CLSTN2: variants seen among roughly 807,000 people sequenced by gnomAD.
CLSTN2 encodes calsyntenin-2.
In CLSTN2, 48 loss-of-function variants were observed where a neutral mutation model predicts 101.2. The observed-to-expected ratio is 0.47, with a 90% CI of 0.38 to 0.60. The LOEUF is 0.60. CLSTN2 is among the 20% of genes least tolerant of loss of function. The pLI, the probability that CLSTN2 is intolerant of heterozygous loss-of-function variation, is 0.00. For synonymous variants in CLSTN2, 481 were observed against 463.6 expected (o/e 1.04, Z -0.48); for missense variants, 1,160 against 1,238.2 (o/e 0.94, Z 0.95).
At chr3:139,985,427 C>G (rs1200022333) in intron 1 of CLSTN2, among the ~76,000 whole-genome samples, 2 of 152,134 alleles carry the variant, frequency 1.3e-5, no homozygotes, top group African/African-American at 4.8e-5. Flanking sequence ...AGATGACCCT[C>G]TCAGCTTGAT....
chr3:140,042,714 C>T (rs1418884308), intron 1 of CLSTN2, among the ~76,000 whole-genome samples: 2 of 151,716 alleles, frequency 1.3e-5, no homozygotes, highest in Non-Finnish European at 1.5e-5. Context: ...TGATGTTCCC[C>T]ACCCTGTGTC....
At chr3:140,120,037 T>C (rs560818991) in intron 1 of CLSTN2, among the ~76,000 whole-genome samples, 1 of 152,288 alleles carries the variant, frequency 6.6e-6, no homozygotes, top group Non-Finnish European at 1.5e-5. Context: ...ACCAAATGCG[T>C]AGAGGTTTTT....
intron 2 of CLSTN2, among the ~76,000 whole-genome samples, chr3:140,302,662 G>A (rs2087071282): frequency 1.3e-5 from 2 of 152,236 alleles, no homozygotes; most frequent in South Asian, 4.1e-4. Flanking sequence ...CCTGCCATGT[G>A]CAAAACTCTC....
At chr3:140,041,013 C>A (rs745876050) in intron 1 of CLSTN2, among the ~76,000 whole-genome samples, 1 of 152,106 alleles carries the variant, frequency 6.6e-6, no homozygotes, top group Non-Finnish European at 1.5e-5. Context: ...AATCAGACGG[C>A]CCGAGTGGAG....
chr3:140,195,781 C>T (rs534352304), intron 2 of CLSTN2, among the ~76,000 whole-genome samples: 2 of 152,150 alleles, frequency 1.3e-5, no homozygotes, highest in East Asian at 3.9e-4. Flanking sequence ...TTGAAGTTAC[C>T]TAGGCAATAC....
intron 1 of CLSTN2, among the ~76,000 whole-genome samples, chr3:140,153,845 G>T (rs989431429): frequency 3.3e-5 from 5 of 152,112 alleles, no homozygotes; most frequent in Non-Finnish European, 5.9e-5. Context: ...GCTTCCAGAG[G>T]GAGCACAGCT....
At chr3:140,148,255 G>A (rs1045309028) in intron 1 of CLSTN2, among the ~76,000 whole-genome samples, 1 of 148,458 alleles carries the variant, frequency 6.7e-6, no homozygotes, top group African/African-American at 2.6e-5. Context: ...ATTGAGTGCT[G>A]TCATCAGGCA....
intron 2 of CLSTN2, among the ~76,000 whole-genome samples, chr3:140,255,581 C>T (rs1381343084): frequency 1.3e-5 from 2 of 152,068 alleles, no homozygotes; most frequent in African/African-American, 4.8e-5. Flanking sequence ...AAGAAGGCAG[C>T]AATAGACACT....
At chr3:140,414,665 A>G (rs1415765499) in intron 4 of CLSTN2, among the ~76,000 whole-genome samples, 3 of 152,042 alleles carry the variant, frequency 2.0e-5, no homozygotes, top group Non-Finnish European at 4.4e-5. Flanking sequence ...AGACTTCACC[A>G]CTATACAATT....
At chr3:140,184,732 A>G (rs1262540416) in intron 2 of CLSTN2, among the ~76,000 whole-genome samples, 4 of 152,176 alleles carry the variant, frequency 2.6e-5, no homozygotes, top group Admixed American at 2.6e-4. Context: ...AAAATTATTC[A>G]TACCCCTATT....
intron 2 of CLSTN2, among the ~76,000 whole-genome samples, chr3:140,202,493 G>T (rs567301074): frequency 6.6e-6 from 1 of 152,344 alleles, no homozygotes; most frequent in East Asian, 1.9e-4. Context: ...AAGGATGCGG[G>T]TGGAGTAGGT....
chr3:139,976,572 T>A (rs550348067), intron 1 of CLSTN2, among the ~76,000 whole-genome samples: 1 of 152,320 alleles, frequency 6.6e-6, no homozygotes, highest in South Asian at 2.1e-4. Flanking sequence ...GGAATCTGCC[T>A]GAGGTCAAAG....
intron 2 of CLSTN2, among the ~76,000 whole-genome samples, chr3:140,263,193 T>C (rs2107884394): frequency 6.6e-6 from 1 of 152,046 alleles, no homozygotes; most frequent in Non-Finnish European, 1.5e-5. Context: ...GGATATATGA[T>C]GGTCAAGTAC....
intron 5 of CLSTN2, among the ~76,000 whole-genome samples, chr3:140,427,240 TATATAC>T (rs1189735100): frequency 8.1e-6 from 1 of 123,288 alleles, no homozygotes; most frequent in African/African-American, 3.5e-5. Context: ...TATATATATA[TATATAC>T]ATATATATAT....
intron 4 of CLSTN2, among the ~76,000 whole-genome samples, chr3:140,405,773 C>T (rs1293390139): frequency 1.3e-5 from 2 of 152,212 alleles, no homozygotes; most frequent in East Asian, 1.9e-4. Context: ...ACACCTTCAA[C>T]ACCTAAAATC....
At chr3:140,112,955 T>C (rs2009180121) in intron 1 of CLSTN2, among the ~76,000 whole-genome samples, 1 of 152,178 alleles carries the variant, frequency 6.6e-6, no homozygotes, top group Admixed American at 6.5e-5. Flanking sequence ...TGGCTCATAA[T>C]GTGTTTGTAG....
At chr3:140,339,678 T>G (rs1195250455) in intron 2 of CLSTN2, among the ~76,000 whole-genome samples, 1 of 152,182 alleles carries the variant, frequency 6.6e-6, no homozygotes, top group Non-Finnish European at 1.5e-5. Flanking sequence ...TTAGCGAAAT[T>G]ACATTCGCCC....
chr3:140,127,053 T>C (rs1211107373), intron 1 of CLSTN2, among the ~76,000 whole-genome samples: 3 of 151,968 alleles, frequency 2.0e-5, no homozygotes, highest in Non-Finnish European at 4.4e-5. Context: ...ATTATATGTA[T>C]CATATGTCAT....
At chr3:140,078,897 A>G (rs1378179721) in intron 1 of CLSTN2, among the ~76,000 whole-genome samples, 1 of 152,218 alleles carries the variant, frequency 6.6e-6, no homozygotes, top group Admixed American at 6.5e-5. Context: ...GATCAAAGCT[A>G]AAGTTTTCAG....
Sources: allele counts gnomAD v4.1 joint callset (sites outside exome capture counted in the v4.1 genomes callset), GRCh38; gene constraint gnomAD v4.1.1; transcripts MANE v1.5; gene names NCBI Gene and HGNC (gene_info 2026-07-23, HGNC 2026-07-21).